Variants in MYO3B observed in about 807,000 individuals in gnomAD.
MYO3B encodes myosin-IIIb.
A neutral mutation model predicts 174.6 loss-of-function variants in MYO3B; 156 were observed. That is an observed-to-expected ratio of 0.89 (90% CI 0.78 to 1.02). The LOEUF (loss-of-function observed/expected upper bound fraction) is 1.02, where lower values mean the gene tolerates loss of function less well. MYO3B is among the 50% of genes least tolerant of loss of function. MYO3B has a pLI of 0.00. For synonymous variants in MYO3B, 563 were observed against 569.1 expected (o/e 0.99, Z 0.15); for missense variants, 1,632 against 1,639.4 (o/e 1.00, Z 0.08).
chr2:170,264,551 C>A (rs2093368712), intron 7 of MYO3B, among the ~76,000 whole-genome samples: 1 of 152,200 alleles, frequency 6.6e-6, no homozygotes, highest in Admixed American at 6.5e-5. Flanking sequence ...CCTTAATCCA[C>A]CATGCAGACA....
chr2:170,478,574 T>TG (rs1685463534), intron 25 of MYO3B, among the ~76,000 whole-genome samples: 1 of 11,966 alleles, frequency 8.4e-5, no homozygotes, highest in Admixed American at 1.5e-3. Flanking sequence ...TTTTTTTGTG[T>TG]TTTTTTTTTT....
intron 30 of MYO3B, among the ~76,000 whole-genome samples, chr2:170,528,251 G>A (rs899253085): frequency 1.3e-5 from 2 of 152,162 alleles, no homozygotes; most frequent in Admixed American, 6.5e-5. Context: ...CTCACTTATT[G>A]GCTGGTAGCT....
At chr2:170,490,129 A>C (rs1023601706) in intron 25 of MYO3B, among the ~76,000 whole-genome samples, 3 of 151,412 alleles carry the variant, frequency 2.0e-5, no homozygotes, top group African/African-American at 4.9e-5. Flanking sequence ...CCCGGGTTCA[A>C]GCCATTCTCC....
chr2:170,320,096 A>G (rs1273465228), intron 7 of MYO3B, among the ~76,000 whole-genome samples: 2 of 152,240 alleles, frequency 1.3e-5, no homozygotes, highest in African/African-American at 4.8e-5. Context: ...AGGAAACGGC[A>G]TAGATGTGGG....
chr2:170,317,280 C>T lies in MYO3B; in HGVS notation c.750-18105C>T, dbSNP rs552333164. Among the ~76,000 whole-genome samples the T allele has an allele frequency of 6.5e-4, 89 of 137,860 alleles. 2 individuals are homozygous for T. The highest frequency in any genetic ancestry group is 2.7e-3 in the Admixed American group (37 of 13,666). The allele number at this position is 137,860 out of a possible 152,430, so 90.4% of individuals were successfully genotyped here. A position where few individuals can be genotyped will look rare whatever the true frequency, so the allele number is the denominator to read the frequency against. ...CTTTGATTTAATTGGAAAAGTATCT[C>T]ACATCTGTTGTTGACTACATAAGTC... On this transcript the variant is annotated intron_variant, in intron 7 of 34. Transcript: ENST00000408978.
intron 22 of MYO3B, among the ~76,000 whole-genome samples, chr2:170,418,547 G>A (rs2094595654): frequency 6.6e-6 from 1 of 152,160 alleles, no homozygotes; most frequent in African/African-American, 2.4e-5. Context: ...AAATACAGGA[G>A]CTCTTAATAA....
At chr2:170,577,587 T>C (rs1214075116) in intron 32 of MYO3B, among the ~76,000 whole-genome samples, 1 of 152,362 alleles carries the variant, frequency 6.6e-6, no homozygotes, top group Non-Finnish European at 1.5e-5. Flanking sequence ...TTGATCAGTA[T>C]TAGGCTGTTG....
chr2:170,391,190 T>C (rs1054829507), intron 14 of MYO3B, among the ~76,000 whole-genome samples: 5 of 152,102 alleles, frequency 3.3e-5, no homozygotes, highest in African/African-American at 1.2e-4. Context: ...TGGACCTCAC[T>C]GTCTCTGAAG....
intron 8 of MYO3B, among the ~76,000 whole-genome samples, chr2:170,337,017 C>T (rs980294864): frequency 2.0e-5 from 3 of 151,354 alleles, no homozygotes; most frequent in African/African-American, 7.3e-5. Context: ...GCCCCTTTAG[C>T]CCCACGTTGA....
intron 7 of MYO3B, among the ~76,000 whole-genome samples, chr2:170,282,915 A>G (rs1198465804): frequency 6.6e-6 from 1 of 152,176 alleles, no homozygotes. Context: ...TTTCCCCAGC[A>G]TGCAGATCAC....
intron 7 of MYO3B, among the ~76,000 whole-genome samples, chr2:170,289,135 CAT>C (rs1463649456): frequency 1.3e-5 from 2 of 151,922 alleles, no homozygotes; most frequent in Non-Finnish European, 1.5e-5. Flanking sequence ...CATTTTTGTA[CAT>C]ATGTTCATCA....
At chr2:170,622,881 G>T (rs2105340545) in intron 32 of MYO3B, among the ~76,000 whole-genome samples, 1 of 152,244 alleles carries the variant, frequency 6.6e-6, no homozygotes, top group East Asian at 1.9e-4. Context: ...CTTCATCCAT[G>T]TCCCTACAAA....
chr2:170,184,372 C>T (rs746876716), intron 1 of MYO3B, among the ~76,000 whole-genome samples: 9 of 152,104 alleles, frequency 5.9e-5, no homozygotes, highest in African/African-American at 7.2e-5. Context: ...AACTATCCTT[C>T]TACTCTGTCT....
At chr2:170,255,344 C>A (rs1367216360) in intron 7 of MYO3B, among the ~76,000 whole-genome samples, 1 of 152,108 alleles carries the variant, frequency 6.6e-6, no homozygotes, top group African/African-American at 2.4e-5. Context: ...CTCCTCCCCC[C>A]TTCCCTCACC....
intron 32 of MYO3B, among the ~76,000 whole-genome samples, chr2:170,638,172 A>G (rs996861515): frequency 2.6e-5 from 4 of 152,078 alleles, no homozygotes; most frequent in African/African-American, 9.7e-5. Context: ...TGTCATTCAT[A>G]CTAATGACTG....
intron 30 of MYO3B, among the ~76,000 whole-genome samples, chr2:170,541,626 G>A (rs1690111126): frequency 6.6e-6 from 1 of 152,100 alleles, no homozygotes; most frequent in Admixed American, 6.6e-5. Context: ...TTAATAGTAA[G>A]AGTATTCTTA....
At position 170,405,634 on chromosome 2, in the gene MYO3B, G is replaced by T. The variant is rs749116045; in HGVS notation, c.2520+1G>T. The T allele has an allele frequency of 6.2e-7, 1 of 1,614,088 alleles. No individual in the cohort carries two copies. The highest frequency in any genetic ancestry group is 1.1e-5 in the South Asian group (1 of 91,078). On this transcript the variant is annotated splice_donor_variant, in intron 21 of 34. Transcript: ENST00000408978. LOFTEE classifies it high-confidence loss of function. ...TGGCATTCAGCATTATGCTGGAAAG[G>T]TGAGGCCAGTGTGACAGTTATTAGA...
At chr2:170,259,953 A>C (rs561866327) in intron 7 of MYO3B, among the ~76,000 whole-genome samples, 47 of 152,012 alleles carry the variant, frequency 3.1e-4, no homozygotes, top group Middle Eastern at 3.4e-3. Flanking sequence ...CAAGCAGCCA[A>C]CAAACATGAA....
chr2:170,462,611 T>G (rs1416528602), intron 23 of MYO3B, among the ~76,000 whole-genome samples: 1 of 152,286 alleles, frequency 6.6e-6, no homozygotes, highest in East Asian at 1.9e-4. Flanking sequence ...ATTTCTGCTT[T>G]ATACCCTTGC....
Sources: allele counts gnomAD v4.1 joint callset (sites outside exome capture counted in the v4.1 genomes callset), GRCh38; gene constraint gnomAD v4.1.1; transcripts MANE v1.5; gene names NCBI Gene and HGNC (gene_info 2026-07-23, HGNC 2026-07-21).